RAI2: variants seen among roughly 807,000 people sequenced by gnomAD.
RAI2 encodes retinoic acid induced 2, also known as retinoic acid-induced protein 2.
In RAI2, 5 loss-of-function variants were observed where a neutral mutation model predicts 15.3. That is an observed-to-expected ratio of 0.33 (90% CI 0.17 to 0.69). The LOEUF is 0.69. RAI2 is among the 30% of genes least tolerant of loss of function. The probability of loss-of-function intolerance (pLI) is 0.69; values close to 1 mark genes in which losing one functional copy is unlikely to be tolerated. For synonymous variants in RAI2, 191 were observed against 184.0 expected, an observed-to-expected ratio of 1.04 and a Z score of -0.31; for missense variants, 424 against 424.7, an observed-to-expected ratio of 1.00 and a Z score of 0.01.
intron 1 of RAI2, among the ~76,000 whole-genome samples, chrX:17,803,065 C>T (rs990322118): frequency 1.8e-5 from 2 of 111,567 alleles, no homozygotes; most frequent in Non-Finnish European, 3.8e-5. Flanking sequence ...ATTCAATAAT[C>T]CTCAGTTTCA....
chrX:17,836,946 G>A (rs2067341972), intron 1 of RAI2, among the ~76,000 whole-genome samples: 1 of 112,223 alleles, frequency 8.9e-6, no homozygotes, highest in Admixed American at 9.4e-5. Flanking sequence ...TGACTGCCAT[G>A]AGCAACTGGG....
Position 17,801,093 on chromosome X carries a change from C to G in RAI2, c.918G>C (p.Thr306=). ...CGTTCTCACTTCCCATCTTAATGAC[C>G]GTGTGGCGGCTGAGCTGGAAGTACT... ...PKEYFQLSRH[T]VIKMGSENEA... is the part of the protein sequence containing the mutation. The change falls in exon 2 of 2, where the codon ACG becomes ACC. Residue 306 remains threonine, a synonymous_variant. Transcript: ENST00000451717. The G allele has an allele frequency of 8.3e-7, 1 of 1,211,542 alleles. No individual in the cohort carries two copies. Among genetic ancestry groups the G allele is most frequent in the Non-Finnish European group, 1.1e-6 (1 of 895,476 alleles).
intron 1 of RAI2, among the ~76,000 whole-genome samples, chrX:17,855,372 G>A (rs760752355): frequency 1.3e-4 from 15 of 111,836 alleles, no homozygotes; most frequent in South Asian, 3.8e-4. Context: ...GGAATTCTCC[G>A]ATGGACAAGG....
At chrX:17,845,387 G>A (rs1176381018) in intron 1 of RAI2, among the ~76,000 whole-genome samples, 1 of 112,337 alleles carries the variant, frequency 8.9e-6, no homozygotes, top group East Asian at 2.8e-4. Flanking sequence ...GAGAGTTCAG[G>A]TGCCACCACG....
intron 1 of RAI2, among the ~76,000 whole-genome samples, chrX:17,820,661 C>CT (rs1244601025): frequency 9.0e-6 from 1 of 111,656 alleles, no homozygotes; most frequent in Non-Finnish European, 1.9e-5. Flanking sequence ...GTTCTGACCT[C>CT]TTAAGAACTG....
chrX:17,845,198 T>C (rs1255915741), intron 1 of RAI2, among the ~76,000 whole-genome samples: 2 of 112,789 alleles, frequency 1.8e-5, no homozygotes, highest in African/African-American at 6.4e-5. Flanking sequence ...CAGGGTATCA[T>C]TGAGGGCACT....
intron 1 of RAI2, among the ~76,000 whole-genome samples, chrX:17,842,406 A>T (rs2067408654): frequency 9.0e-6 from 1 of 111,596 alleles, no homozygotes; most frequent in African/African-American, 3.3e-5. Flanking sequence ...TTCAACATTT[A>T]TATTAAGGAA....
intron 1 of RAI2, among the ~76,000 whole-genome samples, chrX:17,834,901 T>C (rs1395251206): frequency 1.8e-5 from 2 of 108,560 alleles, no homozygotes; most frequent in Admixed American, 9.8e-5. Flanking sequence ...GGGAGGAGAG[T>C]TGTGATGAGA....
At chrX:17,827,185 G>A (rs2067236012) in intron 1 of RAI2, among the ~76,000 whole-genome samples, 1 of 111,659 alleles carries the variant, frequency 9.0e-6, no homozygotes, top group Non-Finnish European at 1.9e-5. Context: ...GCATGGCCAG[G>A]GCAGTGGGCT....
intron 1 of RAI2, among the ~76,000 whole-genome samples, chrX:17,846,895 T>C (rs896309135): frequency 5.4e-5 from 6 of 112,125 alleles, no homozygotes; most frequent in Admixed American, 1.9e-4. Flanking sequence ...CAGGTGGACA[T>C]AATTGAATCA....
intron 1 of RAI2, among the ~76,000 whole-genome samples, chrX:17,805,662 C>T (rs968777277): frequency 2.8e-4 from 32 of 112,535 alleles, no homozygotes; most frequent in African/African-American, 9.4e-4. Context: ...TAGAGGGGAG[C>T]AGTATGCAGG....
Position 17,826,692 on chromosome X carries a change from CAT to C in RAI2, c.-24-24660_-24-24659del, listed in dbSNP as rs1194709436. Among the ~76,000 whole-genome samples the C allele has an allele frequency of 4.5e-5, 5 of 111,996 alleles. No individual in the cohort carries two copies. In the Admixed American group the frequency reaches 4.7e-4, roughly 11 times the overall value. On this transcript the variant is annotated intron_variant, in intron 1 of 1. Transcript: ENST00000451717. ...ATCTCATTTAGAATTGTAATCCCCA[CAT>C]GTCAAGGGAGGGACCTGGTGGGAAG... is the stretch of plus-strand genomic sequence containing the variant.
At chrX:17,809,633 T>G (rs1354348503) in intron 1 of RAI2, among the ~76,000 whole-genome samples, 1 of 111,460 alleles carries the variant, frequency 9.0e-6, no homozygotes, top group Non-Finnish European at 1.9e-5. Context: ...TCAAAATTTT[T>G]TTTTTCTAAT....
At chrX:17,832,963 G>A (rs906906854) in intron 1 of RAI2, among the ~76,000 whole-genome samples, 2 of 111,350 alleles carry the variant, frequency 1.8e-5, no homozygotes, top group African/African-American at 3.3e-5. Flanking sequence ...GTTCACCCAC[G>A]GGCACATCAT....
chrX:17,826,794 C>A (rs926020298), intron 1 of RAI2, among the ~76,000 whole-genome samples: 1 of 111,251 alleles, frequency 9.0e-6, no homozygotes, highest in Non-Finnish European at 1.9e-5. Context: ...AATTGTGACA[C>A]TTCCCCCCTC....
intron 1 of RAI2, among the ~76,000 whole-genome samples, chrX:17,854,329 C>G (rs766489797): frequency 1.8e-5 from 2 of 111,854 alleles, no homozygotes; most frequent in Non-Finnish European, 3.8e-5. Flanking sequence ...GTTGTGCATA[C>G]GGGGGTGGGG....
intron 1 of RAI2, among the ~76,000 whole-genome samples, chrX:17,804,211 C>G (rs773955726): frequency 1.8e-5 from 2 of 111,893 alleles, no homozygotes; most frequent in East Asian, 5.7e-4. Context: ...CCTCCCACTT[C>G]GGCTTCCCAA....
rs963439108 is a variant in RAI2 at position 17,800,413 on chromosome X, G to A, written c.*5C>T. On this transcript the variant is annotated 3_prime_UTR_variant, in exon 2 of 2. Transcript: ENST00000451717. ...ATAATCATACAAATTTTAAAAAGCC[G>A]TTATTTACTTTCTTGGAAAAAAGGT... 18 of 1,173,828 alleles carry A rather than the reference G, an allele frequency of 1.5e-5. No individual in the cohort carries two copies. Among genetic ancestry groups the A allele is most frequent in the East Asian group, 6.0e-5 (2 of 33,457 alleles).
At chrX:17,857,680 C>A (rs2067630809) in intron 1 of RAI2, among the ~76,000 whole-genome samples, 1 of 110,928 alleles carries the variant, frequency 9.0e-6, no homozygotes, top group Non-Finnish European at 1.9e-5. Flanking sequence ...GTACAAATCT[C>A]TGGATCTCTC....
Sources: gnomAD v4.1 joint callset for allele counts (sites outside exome capture counted in the v4.1 genomes callset) on GRCh38, gnomAD v4.1.1 for gene constraint, MANE v1.5 for transcripts, NCBI Gene and HGNC (gene_info 2026-07-23, HGNC 2026-07-21) for gene names.